The following HPSE2 variants were observed in gnomAD, a reference collection of about 807,000 sequenced individuals.
HPSE2 encodes inactive heparanase-2.
HPSE2 carries 38 observed loss-of-function variants against 60.5 expected under a neutral mutation model. That is an observed-to-expected ratio of 0.63 (90% confidence interval 0.48 to 0.82). The LOEUF is 0.82. Ranked by LOEUF, HPSE2 falls within the 40% of genes least tolerant of loss-of-function variation. The pLI is 0.00. For missense variants in HPSE2, 713 were observed against 740.4 expected, an observed-to-expected ratio of 0.96 and a Z score of 0.43; for synonymous variants, 295 against 293.2, an observed-to-expected ratio of 1.01 and a Z score of -0.06.
chr10:98,755,337 T>C (rs976001652), intron 3 of HPSE2, among the ~76,000 whole-genome samples: 2 of 152,112 alleles, frequency 1.3e-5, no homozygotes, highest in African/African-American at 2.4e-5. Flanking sequence ...CCTAAACATA[T>C]ATGCACTCAA....
At position 98,886,262 on chromosome 10, in the gene HPSE2, T is replaced by C. The variant is rs370599412; in HGVS notation, c.611-142206A>G. On this transcript the variant is annotated intron_variant, in intron 3 of 11. Transcript: ENST00000370552. The stretch of plus-strand genomic sequence containing the variant: ...AGAGGAAATACTGTAAATATTCATA[T>C]ATTGTAGCTATATTCCAGATACATC... 3.9e-5 allele frequency among the ~76,000 whole-genome samples: 6 copies of C among 152,132 alleles called. No homozygotes were observed. In the East Asian group the frequency reaches 9.6e-4, roughly 24 times the overall value.
At chr10:98,580,870 C>T (rs1267080578) in intron 9 of HPSE2, among the ~76,000 whole-genome samples, 2 of 116,934 alleles carry the variant, frequency 1.7e-5, no homozygotes, top group African/African-American at 8.1e-5. Flanking sequence ...GTGTGATAAA[C>T]ATGATATATA....
intron 3 of HPSE2, among the ~76,000 whole-genome samples, chr10:98,744,567 AAAC>A (rs1434171832): frequency 1.3e-5 from 2 of 152,106 alleles, no homozygotes; most frequent in Non-Finnish European, 2.9e-5. Context: ...AAACAAAAAA[AAAC>A]AAGCAGCAGA....
chr10:98,540,843 A>G (rs1211898664), intron 9 of HPSE2, among the ~76,000 whole-genome samples: 4 of 152,334 alleles, frequency 2.6e-5, no homozygotes, highest in Middle Eastern at 3.4e-3. Flanking sequence ...CCATGATATA[A>G]TTGGACTCTA....
intron 2 of HPSE2, among the ~76,000 whole-genome samples, chr10:99,221,702 AG>A (rs1408884366): frequency 8.5e-5 from 13 of 152,326 alleles, no homozygotes; most frequent in African/African-American, 3.1e-4. Context: ...TGGAATATCC[AG>A]AGGGTTAGAA....
intron 10 of HPSE2, among the ~76,000 whole-genome samples, chr10:98,487,391 T>C (rs569803357): frequency 6.6e-6 from 1 of 152,124 alleles, no homozygotes. Context: ...GGTATCCACA[T>C]AGGGGTTGCA....
intron 3 of HPSE2, among the ~76,000 whole-genome samples, chr10:99,030,584 G>T (rs191967020): frequency 6.6e-6 from 1 of 152,100 alleles, no homozygotes; most frequent in Non-Finnish European, 1.5e-5. Flanking sequence ...CAGTTTGGAG[G>T]TTCCTCAAAA....
chr10:98,767,180 G>A (rs1485870274), intron 3 of HPSE2, among the ~76,000 whole-genome samples: 2 of 152,102 alleles, frequency 1.3e-5, no homozygotes, highest in East Asian at 1.9e-4. Flanking sequence ...TCTCTCCAGA[G>A]AAGCTTTTTC....
chr10:98,882,971 T>C (rs1362285453), intron 3 of HPSE2, among the ~76,000 whole-genome samples: 2 of 152,204 alleles, frequency 1.3e-5, no homozygotes, highest in Non-Finnish European at 2.9e-5. Context: ...ATGCCGAAGA[T>C]TGTATACTTT....
intron 6 of HPSE2, among the ~76,000 whole-genome samples, chr10:98,687,967 T>C (rs1947961016): frequency 6.6e-6 from 1 of 152,186 alleles, no homozygotes; most frequent in African/African-American, 2.4e-5. Flanking sequence ...ATAATCATGG[T>C]TCAGTCTATC....
At chr10:98,793,391 A>G (rs1950701471) in intron 3 of HPSE2, among the ~76,000 whole-genome samples, 1 of 152,224 alleles carries the variant, frequency 6.6e-6, no homozygotes, top group Non-Finnish European at 1.5e-5. Context: ...ATCACTTCCA[A>G]CAACTGATTT....
At chr10:99,194,104 G>T (rs988360617) in intron 2 of HPSE2, among the ~76,000 whole-genome samples, 4 of 151,860 alleles carry the variant, frequency 2.6e-5, no homozygotes, top group African/African-American at 9.7e-5. Flanking sequence ...AATAAAACTA[G>T]AAATTAATAA....
At chr10:98,460,672 C>T (rs556970278) in intron 11 of HPSE2, among the ~76,000 whole-genome samples, 10 of 152,282 alleles carry the variant, frequency 6.6e-5, no homozygotes, top group South Asian at 2.1e-4. Flanking sequence ...TTTAGCAAAA[C>T]AGCAAAGTAA....
At chr10:99,212,147 A>C (rs924475802) in intron 2 of HPSE2, among the ~76,000 whole-genome samples, 1 of 152,152 alleles carries the variant, frequency 6.6e-6, no homozygotes, top group Non-Finnish European at 1.5e-5. Flanking sequence ...CATCTGTTAG[A>C]ATAGCTATTA....
chr10:98,616,051 G>GT lies in HPSE2; in HGVS notation c.1206-1034dup, dbSNP rs565961170. On this transcript the variant is annotated intron_variant, in intron 8 of 11. Coordinates refer to ENST00000370552, the MANE Select transcript of HPSE2 (RefSeq NM_021828.5). ...CACACTTACCCAAGTCCTTATACAT[G>GT]TTTTAACTTCTGCTTAGAATTCCCT... Among the ~76,000 whole-genome samples the GT allele has an allele frequency of 1.2e-4, 18 of 152,228 alleles. No individual in the cohort carries two copies. The East Asian group carries it at 3.3e-3, about 28-fold the overall frequency.
At chr10:99,148,788 TC>T (rs1846151964) in intron 2 of HPSE2, among the ~76,000 whole-genome samples, 1 of 35,920 alleles carries the variant, frequency 2.8e-5, no homozygotes, top group Non-Finnish European at 1.0e-4. Flanking sequence ...GAAACTCCAC[TC>T]AATCAATCAA....
chr10:99,038,256 A>G (rs567779515), intron 3 of HPSE2, among the ~76,000 whole-genome samples: 52 of 152,284 alleles, frequency 3.4e-4, no homozygotes, highest in African/African-American at 1.2e-3. Context: ...CAAAAACTGG[A>G]AAGTACCAAA....
At chr10:98,568,348 A>G (rs940653417) in intron 9 of HPSE2, among the ~76,000 whole-genome samples, 4 of 152,208 alleles carry the variant, frequency 2.6e-5, no homozygotes, top group Admixed American at 1.3e-4. Context: ...AAATGGCCAT[A>G]TCTACTTCAT....
intron 11 of HPSE2, among the ~76,000 whole-genome samples, chr10:98,475,961 T>TC (rs1940995202): frequency 6.6e-6 from 1 of 152,042 alleles, no homozygotes. Context: ...GACCCAGCCA[T>TC]CCCATTACTG....
Sources: allele counts gnomAD v4.1 joint callset (sites outside exome capture counted in the v4.1 genomes callset), GRCh38; gene constraint gnomAD v4.1.1; transcripts MANE v1.5; gene names NCBI Gene and HGNC (gene_info 2026-07-23, HGNC 2026-07-21).